Variants in LEF1 observed in about 807,000 individuals in gnomAD.
LEF1 encodes lymphoid enhancer-binding factor 1.
In LEF1, 14 loss-of-function variants were observed where a neutral mutation model predicts 51.2. That is an observed-to-expected ratio of 0.27 (90% CI 0.18 to 0.43). LEF1 has a LOEUF of 0.43. Ranked by LOEUF, LEF1 falls within the 20% of genes least tolerant of loss-of-function variation. The probability of loss-of-function intolerance (pLI) is 1.00; values close to 1 mark genes in which losing one functional copy is unlikely to be tolerated. For missense variants in LEF1, 386 were observed against 512.0 expected (o/e 0.75, Z 2.37); for synonymous variants, 185 against 183.2 (o/e 1.01, Z -0.08).
At chr4:108,056,142 C>G (rs1234992273) in intron 11 of LEF1, among the ~76,000 whole-genome samples, 1 of 152,150 alleles carries the variant, frequency 6.6e-6, no homozygotes, top group Non-Finnish European at 1.5e-5. Context: ...TAACCAGAGT[C>G]GCTTCTACAG....
intron 3 of LEF1, among the ~76,000 whole-genome samples, chr4:108,108,527 A>G (rs1376699255): frequency 2.0e-5 from 3 of 152,154 alleles, no homozygotes; most frequent in Non-Finnish European, 2.9e-5. Context: ...TATAAAATAA[A>G]TTATATTAAA....
At chr4:108,157,125 C>A (rs1744747858) in intron 3 of LEF1, among the ~76,000 whole-genome samples, 1 of 144,312 alleles carries the variant, frequency 6.9e-6, no homozygotes, top group Non-Finnish European at 1.5e-5. Flanking sequence ...TTTTAGAGAC[C>A]CTAACTTATA....
chr4:108,153,730 C>T (rs1186860038), intron 3 of LEF1, among the ~76,000 whole-genome samples: 1 of 152,140 alleles, frequency 6.6e-6, no homozygotes, highest in African/African-American at 2.4e-5. Flanking sequence ...CACTTCATCA[C>T]AGTACTGCAT....
chr4:108,057,749 A>T (rs1737401626), intron 11 of LEF1, among the ~76,000 whole-genome samples: 1 of 152,114 alleles, frequency 6.6e-6, no homozygotes, highest in Admixed American at 6.5e-5. Flanking sequence ...AAATCCAAGC[A>T]CTGAACATTA....
intron 3 of LEF1, among the ~76,000 whole-genome samples, chr4:108,092,938 A>AAAC (rs1553952198): frequency 3.3e-5 from 4 of 122,926 alleles, no homozygotes; most frequent in East Asian, 3.2e-4. Context: ...AAAAAAAAAA[A>AAAC]AAAAAAAAAA....
At chr4:108,096,326 G>A (rs2110283080) in intron 3 of LEF1, among the ~76,000 whole-genome samples, 1 of 152,292 alleles carries the variant, frequency 6.6e-6, no homozygotes, top group African/African-American at 2.4e-5. Context: ...TAGCTGTAGT[G>A]GTGCAAGGAT....
At chr4:108,112,809 T>A (rs888234566) in intron 3 of LEF1, among the ~76,000 whole-genome samples, 2 of 152,240 alleles carry the variant, frequency 1.3e-5, no homozygotes, top group African/African-American at 4.8e-5. Context: ...TATATGCTCC[T>A]GATTTTAATC....
At chr4:108,130,211 C>T (rs956200470) in intron 3 of LEF1, among the ~76,000 whole-genome samples, 6 of 152,132 alleles carry the variant, frequency 3.9e-5, no homozygotes, top group Admixed American at 2.0e-4. Context: ...AAGAGGAGGA[C>T]AGATGATAAC....
At chr4:108,078,767 T>C (rs532255548) in intron 7 of LEF1, among the ~76,000 whole-genome samples, 1 of 152,308 alleles carries the variant, frequency 6.6e-6, no homozygotes, top group African/African-American at 2.4e-5. Context: ...GCACAGGTGA[T>C]CATTCCTCTT....
intron 3 of LEF1, among the ~76,000 whole-genome samples, chr4:108,095,871 C>CT (rs1429062112): frequency 6.6e-6 from 1 of 152,080 alleles, no homozygotes; most frequent in East Asian, 1.9e-4. Flanking sequence ...AATAGAGGGA[C>CT]TGGGGTTAAG....
At chr4:108,079,757 A>G (rs954097944) in intron 6 of LEF1, 143 bp from the exon 7 acceptor site, 1 of 705,812 alleles carries the variant, frequency 1.4e-6, no homozygotes, top group African/African-American at 1.9e-5. Context: ...TATAAATTAG[A>G]GTGGGCCGAT....
chr4:108,076,879 T>A (rs113703427), intron 8 of LEF1, among the ~76,000 whole-genome samples: 3,984 of 151,378 alleles, frequency 0.026, 159 homozygotes, highest in African/African-American at 0.091. Flanking sequence ...ATACAAAAAT[T>A]AGCCAGGTGT....
At chr4:108,161,894 G>C (rs1745078064) in intron 3 of LEF1, among the ~76,000 whole-genome samples, 3 of 151,998 alleles carry the variant, frequency 2.0e-5, no homozygotes. Context: ...GATTTAACAG[G>C]AATCTTCAAA....
At chr4:108,124,626 C>T (rs781533846) in intron 3 of LEF1, among the ~76,000 whole-genome samples, 6 of 152,130 alleles carry the variant, frequency 3.9e-5, no homozygotes, top group Non-Finnish European at 7.3e-5. Context: ...CCTCGGCCTC[C>T]CAAAGTGCTG....
chr4:108,166,647 A>G, intron 1 of LEF1: 2 of 1,022,982 alleles, frequency 2.0e-6, no homozygotes, highest in Non-Finnish European at 2.3e-6. Flanking sequence ...TATTTACTCT[A>G]CTCAGGTTAC....
intron 4 of LEF1, among the ~76,000 whole-genome samples, chr4:108,086,353 G>A (rs1739646583): frequency 6.6e-6 from 1 of 152,176 alleles, no homozygotes; most frequent in African/African-American, 2.4e-5. Flanking sequence ...CTCCTGAGTA[G>A]CTGGGATTAC....
intron 3 of LEF1, among the ~76,000 whole-genome samples, chr4:108,163,051 A>G (rs1037560966): frequency 6.6e-6 from 1 of 152,194 alleles, no homozygotes; most frequent in African/African-American, 2.4e-5. Flanking sequence ...AACAATTGAC[A>G]ATAAAGCAAA....
intron 3 of LEF1, among the ~76,000 whole-genome samples, chr4:108,113,901 T>C (rs1010341147): frequency 2.6e-5 from 4 of 152,184 alleles, no homozygotes; most frequent in Admixed American, 6.5e-5. Flanking sequence ...CTTTCAGCTG[T>C]AAAAGATTTA....
At chr4:108,054,454 A>T (rs1022474936) in intron 11 of LEF1, among the ~76,000 whole-genome samples, 2 of 152,188 alleles carry the variant, frequency 1.3e-5, no homozygotes, top group Non-Finnish European at 2.9e-5. Flanking sequence ...TTATTTTCTC[A>T]TCCTTCAGAC....
Sources: allele counts gnomAD v4.1 joint callset (sites outside exome capture counted in the v4.1 genomes callset), GRCh38; gene constraint gnomAD v4.1.1; transcripts MANE v1.5; gene names NCBI Gene and HGNC (gene_info 2026-07-23, HGNC 2026-07-21).